The following SGK3 variants were observed in gnomAD, a reference collection of about 807,000 sequenced individuals.
The protein encoded by SGK3 is serine/threonine-protein kinase Sgk3.
A neutral mutation model predicts 68.5 loss-of-function variants in SGK3; 47 were observed. The observed-to-expected ratio is 0.69, with a 90% CI of 0.54 to 0.87. SGK3 has a LOEUF of 0.87. SGK3 is among the 40% of genes least tolerant of loss of function. The probability of loss-of-function intolerance (pLI) is 0.00; values close to 1 mark genes in which losing one functional copy is unlikely to be tolerated. For missense variants in SGK3, 479 were observed against 575.5 expected, an observed-to-expected ratio of 0.83 and a Z score of 1.72; for synonymous variants, 181 against 189.1, an observed-to-expected ratio of 0.96 and a Z score of 0.35.
Position 66,744,475 on chromosome 8 carries a change from G to A in SGK3, c.-122+31642G>A. ...TTATCAAATATATATGCATATATGT[G>A]TGTGTGTGTATATATATATATATAT... On this transcript the variant is annotated intron_variant, in intron 1 of 16. Transcript: ENST00000521198. Among the ~76,000 whole-genome samples, 3 of 87,790 alleles carry A rather than the reference G, an allele frequency of 3.4e-5. No homozygotes were observed. The South Asian group carries it at 1.2e-3, about 35-fold the overall frequency. 57.6% of individuals were successfully genotyped at this position (87,790 alleles called of 152,430 possible).
chr8:66,846,724 G>T (rs1048385194), intron 14 of SGK3, among the ~76,000 whole-genome samples: 3 of 152,164 alleles, frequency 2.0e-5, no homozygotes, highest in Non-Finnish European at 4.4e-5. Flanking sequence ...ATTCTGCAAA[G>T]TACAGTCATA....
intron 6 of SGK3, among the ~76,000 whole-genome samples, chr8:66,823,946 A>C (rs1055753827): frequency 5.9e-5 from 9 of 152,154 alleles, no homozygotes; most frequent in Non-Finnish European, 8.8e-5. Flanking sequence ...GTTGAAATAC[A>C]GTTTTTCTTT....
chr8:66,810,441 C>G lies in SGK3; in HGVS notation c.254-3412C>G, dbSNP rs192830396. Among the ~76,000 whole-genome samples, 649 of 152,288 alleles carry G rather than the reference C, an allele frequency of 4.3e-3. 5 individuals are homozygous for G. The highest frequency in any genetic ancestry group is 0.015 in the African/African-American group (619 of 41,566). On this transcript the variant is annotated intron_variant, in intron 4 of 16. Transcript: ENST00000521198. Reference sequence around the variant, plus strand: ...GTCAGCTGGGAGCGGTGGCTCACGCCTGTAATCCCAACACTTTGGGAGGCC... The same window carrying G: ...GTCAGCTGGGAGCGGTGGCTCACGCGTGTAATCCCAACACTTTGGGAGGCC...
intron 8 of SGK3, among the ~76,000 whole-genome samples, chr8:66,834,653 A>T (rs1809437413): frequency 6.6e-6 from 1 of 152,124 alleles, no homozygotes; most frequent in African/African-American, 2.4e-5. Context: ...CTGTAATCTT[A>T]GAAACCAACA....
At chr8:66,713,558 A>G (rs973984933) in intron 1 of SGK3, among the ~76,000 whole-genome samples, 10 of 152,242 alleles carry the variant, frequency 6.6e-5, no homozygotes, top group Non-Finnish European at 1.5e-4. Context: ...AGAGCACTGT[A>G]ATTTCTAAAT....
At chr8:66,818,208 T>C (rs1289875467) in intron 5 of SGK3, among the ~76,000 whole-genome samples, 1 of 152,060 alleles carries the variant, frequency 6.6e-6, no homozygotes, top group African/African-American at 2.4e-5. Context: ...TAGAAAAAGC[T>C]TTCCATGATA....
intron 2 of SGK3, 22 bp downstream of exon 2, chr8:66,793,854 T>C: frequency 6.2e-7 from 1 of 1,605,494 alleles, no homozygotes; most frequent in Non-Finnish European, 8.5e-7. Flanking sequence ...ACATAAAGCA[T>C]GTGGGAAAAA....
intron 1 of SGK3, among the ~76,000 whole-genome samples, chr8:66,784,159 T>A (rs976890664): frequency 2.6e-5 from 4 of 152,252 alleles, no homozygotes; most frequent in Admixed American, 2.6e-4. Flanking sequence ...CCTTAGCCTC[T>A]CAAAGTGCTG....
At chr8:66,765,793 G>A (rs1806296633) in intron 1 of SGK3, among the ~76,000 whole-genome samples, 1 of 152,270 alleles carries the variant, frequency 6.6e-6, no homozygotes, top group East Asian at 1.9e-4. Context: ...GGAGGCCGAG[G>A]TGGGTGGATC....
At chr8:66,829,315 GT>G (rs2130692492) in intron 7 of SGK3, among the ~76,000 whole-genome samples, 1 of 151,540 alleles carries the variant, frequency 6.6e-6, no homozygotes, top group South Asian at 2.1e-4. Flanking sequence ...TTACTCTGAA[GT>G]GTTTTTTTAT....
intron 15 of SGK3, among the ~76,000 whole-genome samples, 184 bp from the exon 16 acceptor site, chr8:66,850,647 C>G (rs1810243374): frequency 6.6e-6 from 1 of 152,174 alleles, no homozygotes; most frequent in Non-Finnish European, 1.5e-5. Context: ...TTCTAAGTAA[C>G]TTTCTTTCAG....
intron 1 of SGK3, among the ~76,000 whole-genome samples, chr8:66,728,994 C>T (rs113404375): frequency 0.1 from 15,036 of 151,092 alleles, 1,152 homozygotes; most frequent in African/African-American, 0.22. Context: ...CTGAGGCGGG[C>T]GGATCACAAG....
intron 6 of SGK3, among the ~76,000 whole-genome samples, chr8:66,826,442 T>C (rs1256513600): frequency 6.6e-6 from 1 of 152,204 alleles, no homozygotes; most frequent in Non-Finnish European, 1.5e-5. Context: ...TTTGTTTTGA[T>C]TATTTTGTAG....
intron 13 of SGK3, 84 bp downstream of exon 13, chr8:66,841,194 TAAG>T: frequency 1.8e-6 from 2 of 1,101,214 alleles, no homozygotes; most frequent in Non-Finnish European, 2.4e-6. Context: ...AAATTTAAAA[TAAG>T]AAAAGTAGAA....
chr8:66,717,822 G>C (rs1298620508), intron 1 of SGK3, among the ~76,000 whole-genome samples: 2 of 151,946 alleles, frequency 1.3e-5, no homozygotes, highest in Admixed American at 6.6e-5. Context: ...TCGTGCTTCA[G>C]CCTTCTGAGA....
At chr8:66,834,000 G>GT (rs1340164815) in intron 8 of SGK3, among the ~76,000 whole-genome samples, 1 of 152,200 alleles carries the variant, frequency 6.6e-6, no homozygotes, top group East Asian at 1.9e-4. Context: ...CAGGTGTTTG[G>GT]TTTTTTATGC....
intron 6 of SGK3, 87 bp downstream of exon 6, chr8:66,822,546 G>GTAAGTGTCCTAAAGCCAC: frequency 7.7e-7 from 1 of 1,290,736 alleles, no homozygotes; most frequent in Non-Finnish European, 1.1e-6. Context: ...TTCAAATGAA[G>GTAAGTGTCCTAAAGCCAC]TAATTTCATC....
intron 1 of SGK3, among the ~76,000 whole-genome samples, chr8:66,759,117 T>C: frequency 6.7e-6 from 1 of 149,102 alleles, no homozygotes; most frequent in African/African-American, 2.5e-5. Context: ...TCACTCTGTC[T>C]CCCTGTCTCC....
At chr8:66,739,952 C>CTA (rs1226613108) in intron 1 of SGK3, among the ~76,000 whole-genome samples, 3 of 152,196 alleles carry the variant, frequency 2.0e-5, no homozygotes, top group Admixed American at 2.0e-4. Flanking sequence ...ATTCAATTAC[C>CTA]TACCACTGGG....
Sources: gnomAD v4.1 joint callset for allele counts (sites outside exome capture counted in the v4.1 genomes callset) on GRCh38, gnomAD v4.1.1 for gene constraint, MANE v1.5 for transcripts, NCBI Gene and HGNC (gene_info 2026-07-23, HGNC 2026-07-21) for gene names.